The following DAAM1 variants were observed in gnomAD, a reference collection of about 807,000 sequenced individuals.
DAAM1 encodes the protein dishevelled associated activator of morphogenesis 1.
In DAAM1, 52 loss-of-function variants were observed where a neutral mutation model predicts 130.0. The observed-to-expected ratio is 0.40, with a 90% CI of 0.32 to 0.50. The LOEUF is 0.50. Ranked by LOEUF, DAAM1 falls within the 20% of genes least tolerant of loss-of-function variation. The pLI is 0.61. For missense variants in DAAM1, 1,134 were observed against 1,303.8 expected, an observed-to-expected ratio of 0.87 and a Z score of 2.01; for synonymous variants, 452 against 444.5, an observed-to-expected ratio of 1.02 and a Z score of -0.21.
intron 13 of DAAM1, 29 bp from the exon 14 acceptor site, chr14:59,331,180 T>G (rs1252858723): frequency 2.5e-6 from 4 of 1,607,432 alleles, no homozygotes; most frequent in Non-Finnish European, 3.4e-6. Flanking sequence ...CTTCCATTGA[T>G]CTTTCTTTTC....
intron 3 of DAAM1, among the ~76,000 whole-genome samples, chr14:59,307,307 A>T (rs1321279669): frequency 6.6e-6 from 1 of 152,208 alleles, no homozygotes; most frequent in African/African-American, 2.4e-5. Flanking sequence ...CCAGTTTTGC[A>T]TCTGTTTGTA....
Position 59,319,507 on chromosome 14 carries a change from C to G in DAAM1, c.346-983C>G, listed in dbSNP as rs145331976. ...TCTTTTTCAATACAGTCACCCCAAT[C>G]TGTTTCTCAGCCAAGCATTTCTATC... On this transcript the variant is annotated intron_variant, in intron 4 of 24. Transcript: ENST00000360909. Among the ~76,000 whole-genome samples the G allele has an allele frequency of 3.9e-5, 6 of 152,242 alleles. No individual in the cohort carries two copies. The East Asian group carries it at 9.6e-4, about 24-fold the overall frequency.
intron 2 of DAAM1, among the ~76,000 whole-genome samples, chr14:59,288,603 C>T (rs1883566006): frequency 6.6e-6 from 1 of 152,180 alleles, no homozygotes; most frequent in Non-Finnish European, 1.5e-5. Context: ...CATTAAGAGA[C>T]ACTTCTGAAA....
rs1263089172 is a variant in DAAM1, at chr14:59,370,640, T to C, written c.*1781T>C. 3.9e-5 allele frequency: 6 copies of C among 152,082 alleles called. No homozygotes were observed. Among genetic ancestry groups the C allele is most frequent in the African/African-American group, 1.4e-4 (6 of 41,426 alleles). The allele number at this position is 152,082 out of a possible 1,614,324, so 9.4% of individuals were successfully genotyped here. A position where few individuals can be genotyped will look rare whatever the true frequency, so the allele number is the denominator to read the frequency against. On this transcript the variant is annotated 3_prime_UTR_variant, in exon 25 of 25. Coordinates refer to ENST00000360909, the MANE Select transcript of DAAM1 (RefSeq NM_001270520.2). ...TTTCTACACACTATATGGAAATAAA[T>C]GACTAGCAAATAAAACAGTCATAAA...
intron 1 of DAAM1, among the ~76,000 whole-genome samples, chr14:59,203,467 G>A (rs1301345860): frequency 6.6e-6 from 1 of 152,104 alleles, no homozygotes; most frequent in Non-Finnish European, 1.5e-5. Flanking sequence ...ATCAGACTAA[G>A]TAGAATCTTA....
intron 1 of DAAM1, among the ~76,000 whole-genome samples, chr14:59,219,168 T>C (rs766825360): frequency 6.6e-6 from 1 of 152,216 alleles, no homozygotes; most frequent in Non-Finnish European, 1.5e-5. Context: ...ACTGAAATTT[T>C]ATCTAAAGTC....
intron 17 of DAAM1, among the ~76,000 whole-genome samples, chr14:59,350,497 C>G (rs1175324578): frequency 1.3e-5 from 2 of 151,676 alleles, no homozygotes; most frequent in African/African-American, 4.8e-5. Context: ...TGCACATGCC[C>G]CTCTCAAGAC....
intron 23 of DAAM1, among the ~76,000 whole-genome samples, chr14:59,365,385 G>A (rs1389913333): frequency 1.3e-5 from 2 of 152,130 alleles, no homozygotes; most frequent in Non-Finnish European, 2.9e-5. Context: ...TTATAAGTTA[G>A]CATATAAAAC....
rs144770218 is a variant in DAAM1, at chr14:59,242,037, G to T, written c.-37-21404G>T. ...TTTTATTTCATTAGGTGTTAAAACT[G>T]GAAGAGACCTTGAAGATTCTCATCC... On this transcript the variant is annotated intron_variant, in intron 1 of 24. Transcript: ENST00000360909. Among the ~76,000 whole-genome samples the T allele has an allele frequency of 6.0e-3, 913 of 152,218 alleles. 6 individuals are homozygous for T. Among genetic ancestry groups the T allele is most frequent in the Admixed American group, 0.013 (193 of 15,288 alleles).
Position 59,347,673 on chromosome 14 carries a change from A to G in DAAM1, c.2160+50A>G, listed in dbSNP as rs537352216. ...GCAGAAGTGAAAAGCGACCATCAAC[A>G]GGGAGAGGGATGTTGAGAACATCCG... On this transcript the variant is annotated intron_variant, in intron 17 of 24. Coordinates refer to ENST00000360909, the MANE Select transcript of DAAM1 (RefSeq NM_001270520.2). The G allele has an allele frequency of 7.3e-5, 114 of 1,560,826 alleles. 1 individual carries two copies. In the South Asian group the frequency reaches 1.2e-3, roughly 17 times the overall value.
chr14:59,246,774 T>C (rs973077547), intron 1 of DAAM1, among the ~76,000 whole-genome samples: 18 of 152,206 alleles, frequency 1.2e-4, no homozygotes, highest in African/African-American at 4.3e-4. Flanking sequence ...TATATTATTG[T>C]GGTTTTGACT....
At chr14:59,276,520 C>T (rs1882976440) in intron 2 of DAAM1, among the ~76,000 whole-genome samples, 1 of 152,134 alleles carries the variant, frequency 6.6e-6, no homozygotes, top group Non-Finnish European at 1.5e-5. Context: ...GGGTTAAACT[C>T]AGAAAAGGCA....
intron 3 of DAAM1, among the ~76,000 whole-genome samples, chr14:59,312,319 C>G (rs1884630161): frequency 6.6e-6 from 1 of 152,112 alleles, no homozygotes; most frequent in East Asian, 1.9e-4. Context: ...TATACTCTTC[C>G]CAGTGCTTGC....
intron 12 of DAAM1, among the ~76,000 whole-genome samples, chr14:59,327,343 A>G (rs909471355): frequency 3.3e-5 from 5 of 151,396 alleles, no homozygotes; most frequent in Non-Finnish European, 5.9e-5. Context: ...TAAGAAATGT[A>G]ATAAGGGACT....
Position 59,274,547 on chromosome 14 carries a change from G to A in DAAM1, c.183+10887G>A, listed in dbSNP as rs28421242. Among the ~76,000 whole-genome samples the A allele has an allele frequency of 5.7e-3, 872 of 152,228 alleles. 6 individuals are homozygous for A. Among genetic ancestry groups the A allele is most frequent in the African/African-American group, 0.02 (837 of 41,530 alleles). ...CTTTCTCACACTTAGGATCCTGGGG[G>A]CCTAGGGCAGTGCTTGGTCCAGAGT... On this transcript the variant is annotated intron_variant, in intron 2 of 24. Coordinates refer to ENST00000360909, the MANE Select transcript of DAAM1 (RefSeq NM_001270520.2).
chr14:59,189,530 T>G (rs755069945), intron 1 of DAAM1, among the ~76,000 whole-genome samples: 5 of 151,824 alleles, frequency 3.3e-5, no homozygotes, highest in Non-Finnish European at 7.4e-5. Flanking sequence ...CACGGTCCCT[T>G]GGTGTAGAGC....
rs73298098 is a variant in DAAM1 at position 59,348,405 on chromosome 14, G to C, written c.2160+782G>C. 8.0e-3 allele frequency among the ~76,000 whole-genome samples: 1,220 copies of C among 152,002 alleles called. 14 individuals are homozygous for C. The highest frequency in any genetic ancestry group is 0.028 in the African/African-American group (1,176 of 41,432). ...TGTTGTTGATCTCGCACATATTCTA[G>C]GGATTTTCACCTGTCTCTGCCCCCT... On this transcript the variant is annotated intron_variant, in intron 17 of 24. Coordinates refer to ENST00000360909, the MANE Select transcript of DAAM1 (RefSeq NM_001270520.2).
chr14:59,327,402 C>CTTTTTTTTTTTT lies in DAAM1; in HGVS notation c.1372+424_1372+435dup, dbSNP rs386381493. Among the ~76,000 whole-genome samples the CTTTTTTTTTTTT allele has an allele frequency of 5.1e-3, 303 of 58,984 alleles. 55 individuals are homozygous for CTTTTTTTTTTTT. Among genetic ancestry groups the CTTTTTTTTTTTT allele is most frequent in the Admixed American group, 0.022 (86 of 3,948 alleles). The allele number at this position is 58,984 out of a possible 152,430, so 38.7% of individuals were successfully genotyped here. A position where few individuals can be genotyped will look rare whatever the true frequency, so the allele number is the denominator to read the frequency against. ...AAGAGAAGAACAGGTCACTTGGTTTCTTTTTTTTTTTTTTTTTTTTTTTTG... is the reference window on the plus strand; with the variant it reads ...AAGAGAAGAACAGGTCACTTGGTTTCTTTTTTTTTTTTTTTTTTTTTTTTTTTTTTTTTTTTG... On this transcript the variant is annotated intron_variant, in intron 12 of 24. Coordinates refer to ENST00000360909, the MANE Select transcript of DAAM1 (RefSeq NM_001270520.2).
chr14:59,235,387 C>T (rs906054119), intron 1 of DAAM1, among the ~76,000 whole-genome samples: 1 of 152,076 alleles, frequency 6.6e-6, no homozygotes, highest in Non-Finnish European at 1.5e-5. Context: ...TGTATGTGTC[C>T]AGGAATTTAT....
Sources: gnomAD v4.1 joint callset for allele counts (sites outside exome capture counted in the v4.1 genomes callset) on GRCh38, gnomAD v4.1.1 for gene constraint, MANE v1.5 for transcripts, NCBI Gene and HGNC (gene_info 2026-07-23, HGNC 2026-07-21) for gene names.